FHIT: variants seen among roughly 807,000 people sequenced by gnomAD.
FHIT encodes fragile histidine triad diadenosine triphosphatase, also known as bis(5'-adenosyl)-triphosphatase.
A neutral mutation model predicts 17.9 loss-of-function variants in FHIT; 19 were observed. The ratio of observed to expected loss-of-function variants is 1.06; its 90% CI spans 0.74 to 1.56. FHIT has a LOEUF of 1.56. Among genes scored for constraint, FHIT ranks in the 40% most tolerant of loss-of-function variants. FHIT has a pLI of 0.00. For missense variants in FHIT, 248 were observed against 189.2 expected (o/e 1.31, Z -1.82); for synonymous variants, 81 against 69.7 (o/e 1.16, Z -0.81).
chr3:60,308,746 A>G (rs1298736514), intron 5 of FHIT, among the ~76,000 whole-genome samples: 1 of 152,110 alleles, frequency 6.6e-6, no homozygotes, highest in African/African-American at 2.4e-5. Flanking sequence ...GATTCACTAA[A>G]TGTCATCTAT....
At chr3:60,006,175 GGACA>G (rs1434765076) in intron 7 of FHIT, among the ~76,000 whole-genome samples, 1 of 152,128 alleles carries the variant, frequency 6.6e-6, no homozygotes, top group Non-Finnish European at 1.5e-5. Context: ...AAAAATGTTC[GGACA>G]GAGAGGGCCA....
chr3:60,549,417 T>C (rs1200900626), intron 4 of FHIT, among the ~76,000 whole-genome samples: 1 of 152,194 alleles, frequency 6.6e-6, no homozygotes, highest in Non-Finnish European at 1.5e-5. Flanking sequence ...AGGTCCTTCA[T>C]ACACCAACAT....
chr3:60,150,649 C>T (rs113050733), intron 5 of FHIT, among the ~76,000 whole-genome samples: 1 of 152,092 alleles, frequency 6.6e-6, no homozygotes, highest in Non-Finnish European at 1.5e-5. Flanking sequence ...TGGGTGCAGT[C>T]GCTCACACCT....
At chr3:60,435,933 G>A (rs866045917) in intron 5 of FHIT, among the ~76,000 whole-genome samples, 8 of 152,034 alleles carry the variant, frequency 5.3e-5, no homozygotes, top group South Asian at 2.1e-4. Context: ...TCCTGCATTC[G>A]TTTGCTAAGG....
chr3:59,983,313 G>A (rs993168443), intron 7 of FHIT, among the ~76,000 whole-genome samples: 2 of 152,062 alleles, frequency 1.3e-5, no homozygotes, highest in Non-Finnish European at 1.5e-5. Context: ...GGAATGTTAA[G>A]GCAGAACCAG....
chr3:61,249,521 GT>G (rs2040562389), intron 1 of FHIT, among the ~76,000 whole-genome samples: 1 of 152,092 alleles, frequency 6.6e-6, no homozygotes, highest in Non-Finnish European at 1.5e-5. Context: ...GCTCTGTAAG[GT>G]AAGGTCTTTC....
At position 60,762,097 on chromosome 3, in the gene FHIT, G is replaced by A. The variant is rs1699677270; in HGVS notation, c.-18+59822C>T. 3.9e-5 allele frequency among the ~76,000 whole-genome samples: 6 copies of A among 152,150 alleles called. No individual in the cohort carries two copies. The South Asian group carries it at 1.2e-3, about 32-fold the overall frequency. ...AGACACCTCCATGTGTGTATGGTGA[G>A]CAATTTGGTGGGATGTAAAACATAA... On this transcript the variant is annotated intron_variant, in intron 4 of 9. Transcript: ENST00000492590.
chr3:60,120,547 C>T (rs1025965161), intron 5 of FHIT, among the ~76,000 whole-genome samples: 4 of 152,106 alleles, frequency 2.6e-5, no homozygotes, highest in South Asian at 4.1e-4. Flanking sequence ...ATTAAGAGTA[C>T]GACAGCAGCG....
chr3:60,007,372 C>G (rs1317753923), intron 7 of FHIT, among the ~76,000 whole-genome samples: 2 of 152,124 alleles, frequency 1.3e-5, no homozygotes, highest in African/African-American at 4.8e-5. Context: ...GATAGAGATT[C>G]CAGGAATATT....
At chr3:60,019,309 T>C (rs949524315) in intron 5 of FHIT, among the ~76,000 whole-genome samples, 6 of 151,856 alleles carry the variant, frequency 4.0e-5, no homozygotes, top group Admixed American at 6.6e-5. Flanking sequence ...AAAAGGGATA[T>C]GGACACTAGG....
At position 60,261,992 on chromosome 3, in the gene FHIT, C is replaced by T. The variant is rs550560519; in HGVS notation, c.104-247840G>A. ...TTTATCCTCCTATAATATTTCTCCCCTACCATCTACTTTATCAAACTGAAC... is the reference window on the plus strand; with the variant it reads ...TTTATCCTCCTATAATATTTCTCCCTTACCATCTACTTTATCAAACTGAAC... On this transcript the variant is annotated intron_variant, in intron 5 of 9. Transcript: ENST00000492590. Among the ~76,000 whole-genome samples the T allele has an allele frequency of 2.8e-4, 42 of 152,142 alleles. No homozygotes were observed. The South Asian group carries it at 8.5e-3, about 31-fold the overall frequency.
chr3:60,257,674 T>C (rs184550623), intron 5 of FHIT, among the ~76,000 whole-genome samples: 15 of 152,282 alleles, frequency 9.9e-5, no homozygotes, highest in Admixed American at 4.6e-4. Flanking sequence ...AGCAGAAATT[T>C]CTTTGATGTC....
At chr3:60,086,992 T>G (rs1489347743) in intron 5 of FHIT, among the ~76,000 whole-genome samples, 1 of 152,222 alleles carries the variant, frequency 6.6e-6, no homozygotes, top group South Asian at 2.1e-4. Context: ...TTCAGAGATC[T>G]ATGAGTCATC....
At chr3:59,868,953 G>C (rs964033270) in intron 8 of FHIT, among the ~76,000 whole-genome samples, 3 of 152,208 alleles carry the variant, frequency 2.0e-5, no homozygotes, top group Non-Finnish European at 4.4e-5. Flanking sequence ...CTGTGGCCAA[G>C]GGACAGTGTA....
chr3:61,143,815 G>T (rs1318708765), intron 2 of FHIT, among the ~76,000 whole-genome samples: 3 of 152,168 alleles, frequency 2.0e-5, no homozygotes, highest in Non-Finnish European at 4.4e-5. Flanking sequence ...GCAGTGTGCT[G>T]AGATTGTGCC....
chr3:60,360,420 A>T (rs1699857951), intron 5 of FHIT, among the ~76,000 whole-genome samples: 1 of 152,168 alleles, frequency 6.6e-6, no homozygotes, highest in Admixed American at 6.6e-5. Flanking sequence ...CAGAGTTCAG[A>T]TACTAAATAG....
At chr3:60,996,301 G>A (rs886697936) in intron 3 of FHIT, among the ~76,000 whole-genome samples, 5 of 152,230 alleles carry the variant, frequency 3.3e-5, no homozygotes, top group East Asian at 1.9e-4. Flanking sequence ...TGCAAGACAC[G>A]GTTCTAGATA....
At chr3:60,903,352 A>G (rs991291753) in intron 3 of FHIT, among the ~76,000 whole-genome samples, 1 of 152,220 alleles carries the variant, frequency 6.6e-6, no homozygotes. Context: ...ATCATTTAAC[A>G]TTCTAAATAT....
intron 7 of FHIT, among the ~76,000 whole-genome samples, chr3:59,994,710 T>G (rs575416352): frequency 6.6e-6 from 1 of 152,176 alleles, no homozygotes; most frequent in East Asian, 1.9e-4. Context: ...TCCATAAAGC[T>G]GTGTGGTACC....
Sources: gnomAD v4.1 joint callset for allele counts (sites outside exome capture counted in the v4.1 genomes callset) on GRCh38, gnomAD v4.1.1 for gene constraint, MANE v1.5 for transcripts, NCBI Gene and HGNC (gene_info 2026-07-23, HGNC 2026-07-21) for gene names.